ZSCAN5A: variants seen among roughly 807,000 people sequenced by gnomAD.
The protein encoded by ZSCAN5A is zinc finger and SCAN domain-containing protein 5A.
In ZSCAN5A, 12 loss-of-function variants were observed where a neutral mutation model predicts 23.7. The ratio of observed to expected loss-of-function variants is 0.51; its 90% confidence interval spans 0.32 to 0.82. The LOEUF (loss-of-function observed/expected upper bound fraction) is 0.82, where lower values mean the gene tolerates loss of function less well. Among genes scored for constraint, ZSCAN5A ranks in the 40% least tolerant of loss-of-function variants. The pLI is 0.03. For synonymous variants in ZSCAN5A, 257 were observed against 239.9 expected, an observed-to-expected ratio of 1.07 and a Z score of -0.66; for missense variants, 597 against 617.9, an observed-to-expected ratio of 0.97 and a Z score of 0.36.
intron 2 of ZSCAN5A, among the ~76,000 whole-genome samples, chr19:56,286,203 G>T (rs2039109079): frequency 6.6e-6 from 1 of 151,890 alleles, no homozygotes; most frequent in Non-Finnish European, 1.5e-5. Flanking sequence ...TGTATTATTA[G>T]TAGAGATGGG....
chr19:56,359,163 T>C (rs1375396846), intron 2 of ZSCAN5A, among the ~76,000 whole-genome samples: 1 of 144,776 alleles, frequency 6.9e-6, no homozygotes, highest in Non-Finnish European at 1.5e-5. Flanking sequence ...AAAAAATCAA[T>C]AAAATAGATA....
chr19:56,288,636 C>T (rs1317966718), intron 2 of ZSCAN5A, among the ~76,000 whole-genome samples: 1 of 152,206 alleles, frequency 6.6e-6, no homozygotes, highest in African/African-American at 2.4e-5. Context: ...GCCCAGCACA[C>T]AGGAGATGCC....
At chr19:56,245,975 T>C (rs1033390046) in intron 2 of ZSCAN5A, among the ~76,000 whole-genome samples, 1 of 151,968 alleles carries the variant, frequency 6.6e-6, no homozygotes, top group Non-Finnish European at 1.5e-5. Context: ...ATGCCAGTGG[T>C]GCCAGGGGTT....
chr19:56,226,669 T>C (rs147333231), intron 2 of ZSCAN5A, among the ~76,000 whole-genome samples: 148 of 152,076 alleles, frequency 9.7e-4, no homozygotes, highest in African/African-American at 3.3e-3. Flanking sequence ...CCTCAGAAAA[T>C]TGAAAGTCCA....
intron 2 of ZSCAN5A, among the ~76,000 whole-genome samples, chr19:56,344,710 T>G (rs1464866130): frequency 6.7e-6 from 1 of 150,274 alleles, no homozygotes; most frequent in Non-Finnish European, 1.5e-5. Context: ...GAGACCATCC[T>G]GGCTAACAAG....
rs116226058 is a variant in ZSCAN5A, at chr19:56,367,530, A to G, written c.-522+679T>C. Among the ~76,000 whole-genome samples the G allele has an allele frequency of 3.9e-3, 595 of 152,340 alleles. 4 individuals carry two copies. Among genetic ancestry groups the G allele is most frequent in the African/African-American group, 0.014 (573 of 41,570 alleles). ...ACTGCCATCAGTGATCCACAATGTG[A>G]GTTGGTAAATAGCTCAAAACAATGA... is the stretch of plus-strand genomic sequence containing the variant. On this transcript the variant is annotated intron_variant, in intron 1 of 6. Transcript: ENST00000587340.
intron 2 of ZSCAN5A, among the ~76,000 whole-genome samples, chr19:56,273,927 G>A (rs1197130794): frequency 3.3e-5 from 5 of 152,164 alleles, no homozygotes; most frequent in African/African-American, 9.7e-5. Context: ...AGGAAAGAAT[G>A]GATTAGGTGG....
Position 56,222,669 on chromosome 19 carries a change from A to C in ZSCAN5A, c.661T>G (p.Leu221Val). 6.2e-7 allele frequency: 1 copy of C among 1,614,126 alleles called. No individual in the cohort carries two copies. Among genetic ancestry groups the C allele is most frequent in the Non-Finnish European group, 8.5e-7 (1 of 1,180,022 alleles). ...DPKSLRPKQT[L>V]EKDLKENREE... ...CTGTTTTCCTTCAGATCCTTCTCCA[A>C]GGTCTGCTTGGGTCTCAGAGACTTT... is the stretch of plus-strand genomic sequence containing the variant. The change falls in exon 5 of 6, where the codon TTG becomes GTG. Residue 221 changes from leucine to valine, a missense_variant. Physicochemically the swap from Leu to Val is conservative, Grantham distance 32. Around this residue, in one of 5 missense-constraint regions of ZSCAN5A, gnomAD observed 406 missense variants for 353.2 expected, o/e 1.15. Coordinates refer to ENST00000683990, the MANE Select transcript of ZSCAN5A (RefSeq NM_001322064.3).
rs967198833 is a variant in ZSCAN5A, at chr19:56,351,118, C to A, written c.-358+12117G>T. Among the ~76,000 whole-genome samples, 2 of 152,044 alleles carry A rather than the reference C, an allele frequency of 1.3e-5. No homozygotes were observed. Among genetic ancestry groups the A allele is most frequent in the African/African-American group, 4.8e-5 (2 of 41,414 alleles). ...GATATTACAGGAGTTATTAAGAAAT[C>A]ATTTTAGGCATACAGTAAGGGTAAA... is the stretch of plus-strand genomic sequence containing the variant. On this transcript the variant is annotated intron_variant, in intron 2 of 6. Coordinates refer to the ZSCAN5A transcript ENST00000587340. The surrounding 1 kb of genome is among the most constrained non-coding windows in gnomAD (Gnocchi z 4.8).
At chr19:56,309,771 G>A (rs1011697399) in intron 2 of ZSCAN5A, among the ~76,000 whole-genome samples, 1 of 152,250 alleles carries the variant, frequency 6.6e-6, no homozygotes, top group Non-Finnish European at 1.5e-5. Context: ...CACAAGCTCA[G>A]GCCCGGCGCC....
At chr19:56,290,256 G>A (rs886971209) in intron 2 of ZSCAN5A, among the ~76,000 whole-genome samples, 3 of 152,198 alleles carry the variant, frequency 2.0e-5, no homozygotes, top group Non-Finnish European at 4.4e-5. Context: ...TCAGCAGAAA[G>A]GCCCACTGCT....
intron 2 of ZSCAN5A, among the ~76,000 whole-genome samples, chr19:56,345,134 G>C (rs568039948): frequency 4.3e-4 from 65 of 151,892 alleles, no homozygotes; most frequent in African/African-American, 1.4e-3. Flanking sequence ...AAAAATGTAT[G>C]CTGGCAATTC....
intron 2 of ZSCAN5A, among the ~76,000 whole-genome samples, chr19:56,332,183 T>C (rs1167754460): frequency 6.6e-6 from 1 of 152,188 alleles, no homozygotes; most frequent in African/African-American, 2.4e-5. Context: ...TTAGGGCCAA[T>C]TGGTCAAGTG....
At chr19:56,334,475 C>T (rs1384827344) in intron 2 of ZSCAN5A, among the ~76,000 whole-genome samples, 1 of 151,700 alleles carries the variant, frequency 6.6e-6, no homozygotes, top group Non-Finnish European at 1.5e-5. Flanking sequence ...TTTTTTATTT[C>T]TGTGGGTACA....
intron 2 of ZSCAN5A, among the ~76,000 whole-genome samples, chr19:56,311,151 A>G (rs2041011136): frequency 6.6e-6 from 1 of 152,172 alleles, no homozygotes; most frequent in Non-Finnish European, 1.5e-5. Flanking sequence ...GTCCCTTAAA[A>G]GGGCAGCGGA....
intron 2 of ZSCAN5A, among the ~76,000 whole-genome samples, chr19:56,236,634 T>C (rs2034940564): frequency 1.6e-5 from 1 of 61,364 alleles, no homozygotes; most frequent in African/African-American, 5.8e-5. Context: ...CAGCCTCTGA[T>C]GGACGGTGGG....
At chr19:56,311,859 TG>T (rs2041059352) in intron 2 of ZSCAN5A, 1 of 152,154 alleles carries the variant, frequency 6.6e-6, no homozygotes, top group Admixed American at 6.5e-5. Flanking sequence ...CAGTGCGTGT[TG>T]TTCACCCCTA....
intron 2 of ZSCAN5A, among the ~76,000 whole-genome samples, chr19:56,237,446 T>A (rs2035020642): frequency 6.6e-6 from 1 of 152,172 alleles, no homozygotes; most frequent in African/African-American, 2.4e-5. Flanking sequence ...TGCCCAACTG[T>A]AGGGGAAGGT....
chr19:56,351,231 C>T lies in ZSCAN5A; in HGVS notation c.-358+12004G>A, dbSNP rs978273633. On this transcript the variant is annotated intron_variant, in intron 2 of 6. Coordinates refer to the ZSCAN5A transcript ENST00000587340. The surrounding 1 kb of genome is among the most constrained non-coding windows in gnomAD (Gnocchi z 4.8). ...TAACCAAAAAGGCGGCTTCAAGGGC[C>T]GGGCTGACAAGCTTTGATATGCAAA... 7.9e-5 allele frequency among the ~76,000 whole-genome samples: 12 copies of T among 152,072 alleles called. No homozygotes were observed. The highest frequency in any genetic ancestry group is 2.4e-4 in the African/African-American group (10 of 41,416).
Sources: allele counts gnomAD v4.1 joint callset (sites outside exome capture counted in the v4.1 genomes callset), GRCh38; gene constraint gnomAD v4.1.1; regional missense constraint gnomAD v4.1.1; non-coding constraint Gnocchi (gnomAD v3.1); transcripts MANE v1.5; gene names NCBI Gene and HGNC (gene_info 2026-07-23, HGNC 2026-07-21).